ACTR10: variants seen among roughly 807,000 people sequenced by gnomAD.
ACTR10 encodes the protein actin related protein 10.
In ACTR10, 43 loss-of-function variants were observed where a neutral mutation model predicts 56.2. That is an observed-to-expected ratio of 0.77 (90% CI 0.60 to 0.99). The LOEUF (loss-of-function observed/expected upper bound fraction) is 0.99. Among genes scored for constraint, ACTR10 ranks in the 50% least tolerant of loss-of-function variants. The pLI is 0.00. For synonymous variants in ACTR10, 170 were observed against 176.3 expected, an observed-to-expected ratio of 0.96 and a Z score of 0.28; for missense variants, 466 against 507.8, an observed-to-expected ratio of 0.92 and a Z score of 0.79.
intron 10 of ACTR10, among the ~76,000 whole-genome samples, chr14:58,229,535 G>A (rs1024713520): frequency 3.9e-5 from 6 of 151,976 alleles, no homozygotes; most frequent in Admixed American, 6.6e-5. Flanking sequence ...AAAATTAGCC[G>A]GGCGCGGTGG....
At position 58,223,625 on chromosome 14, in the gene ACTR10, G is replaced by C. The variant is rs372667907; in HGVS notation, c.638G>C (p.Arg213Pro). The change falls in exon 9 of 13, where the codon CGT becomes CCT. Residue 213 changes from arginine (R) to proline (P), a missense_variant. Transcript: ENST00000254286. ...PEGVLEDIKA[R>P]TCFVSDLKRG... is the part of the protein sequence containing the mutation. Reference sequence around the variant, plus strand: ...GGTCTCCTTTTCTTCCTTAAAGCGCGTACTTGCTTTGTAAGTGATCTGAAG... The same window carrying C: ...GGTCTCCTTTTCTTCCTTAAAGCGCCTACTTGCTTTGTAAGTGATCTGAAG... 5.6e-6 allele frequency: 9 copies of C among 1,611,220 alleles called. No homozygotes were observed. The South Asian group carries it at 6.6e-5, about 12-fold the overall frequency.
At chr14:58,209,751 T>G (rs1243280200) in intron 4 of ACTR10, among the ~76,000 whole-genome samples, 1 of 152,224 alleles carries the variant, frequency 6.6e-6, no homozygotes, top group African/African-American at 2.4e-5. Context: ...ATCTTAATTA[T>G]TCAAATTTTT....
Position 58,234,818 on chromosome 14 carries a change from CTTTTTT to C in ACTR10, c.*283_*288del, listed in dbSNP as rs527714860. On this transcript the variant is annotated 3_prime_UTR_variant, in exon 13 of 13. Transcript: ENST00000254286. ...TTGATTTTGGAAGTTTGTTATGTGG[CTTTTTT>C]TTTTTTTTTTTTTTTGAGACGGAGT... 3.7e-4 allele frequency: 36 copies of C among 97,456 alleles called. No homozygotes were observed. Among genetic ancestry groups the C allele is most frequent in the Admixed American group, 9.4e-4 (8 of 8,472 alleles). 6.0% of individuals were successfully genotyped at this position (97,456 alleles called of 1,614,324 possible).
intron 2 of ACTR10, among the ~76,000 whole-genome samples, 191 bp downstream of exon 2, chr14:58,203,118 A>G (rs1481075532): frequency 3.3e-5 from 5 of 152,088 alleles, no homozygotes; most frequent in Non-Finnish European, 7.4e-5. Context: ...CCTGGACAAC[A>G]TGGTGAAACC....
intron 2 of ACTR10, among the ~76,000 whole-genome samples, chr14:58,204,383 C>T (rs1246012421): frequency 6.6e-6 from 1 of 151,720 alleles, no homozygotes; most frequent in Non-Finnish European, 1.5e-5. Flanking sequence ...GACTCCATCT[C>T]AAAAAAATAA....
intron 6 of ACTR10, 134 bp from the exon 7 acceptor site, chr14:58,215,071 A>T: frequency 3.8e-6 from 2 of 529,274 alleles, no homozygotes; most frequent in Middle Eastern, 5.1e-4. Context: ...GCGCCACTTC[A>T]CTCCAGCCTG....
intron 7 of ACTR10, among the ~76,000 whole-genome samples, chr14:58,216,656 T>G (rs904425317): frequency 1.3e-5 from 2 of 152,334 alleles, no homozygotes; most frequent in East Asian, 1.9e-4. Context: ...CACAGCCCTG[T>G]GCCTTCATTT....
chr14:58,231,836 A>G (rs1354347883), intron 11 of ACTR10, among the ~76,000 whole-genome samples: 1 of 152,180 alleles, frequency 6.6e-6, no homozygotes, highest in African/African-American at 2.4e-5. Context: ...CTATTTTAAA[A>G]TCTTTAAAGT....
intron 2 of ACTR10, among the ~76,000 whole-genome samples, chr14:58,204,357 C>G (rs1888803194): frequency 6.6e-6 from 1 of 151,620 alleles, no homozygotes; most frequent in South Asian, 2.1e-4. Context: ...GCACTCCAGC[C>G]TGGGCGACAG....
chr14:58,224,328 TA>T (rs950018807), intron 10 of ACTR10, among the ~76,000 whole-genome samples: 138 of 150,000 alleles, frequency 9.2e-4, no homozygotes, highest in African/African-American at 1.7e-3. Context: ...TTTTTAAAAA[TA>T]AAAAAAAAAT....
intron 11 of ACTR10, 30 bp downstream of exon 11, chr14:58,230,510 A>G (rs1555350836): frequency 1.7e-6 from 2 of 1,167,892 alleles, no homozygotes; most frequent in Non-Finnish European, 2.4e-6. Context: ...AATTCCCTTT[A>G]TTACCACAGT....
At chr14:58,228,681 CTTTTTTTTTTTTTTTTTTTTTTTTT>C (rs35498207) in intron 10 of ACTR10, among the ~76,000 whole-genome samples, 3 of 40,768 alleles carry the variant, frequency 7.4e-5, no homozygotes, top group East Asian at 9.7e-4. Flanking sequence ...GCAAGACAGA[CTTTTTTTTTTTTTTTTTTTTTTTTT>C]TTTTTTTTTT....
intron 6 of ACTR10, among the ~76,000 whole-genome samples, chr14:58,213,942 G>T (rs1366530502): frequency 6.6e-6 from 1 of 152,122 alleles, no homozygotes; most frequent in Non-Finnish European, 1.5e-5. Flanking sequence ...TTTGATACAG[G>T]CATGCAATGA....
chr14:58,215,757 C>T (rs1889118769), intron 7 of ACTR10, among the ~76,000 whole-genome samples: 1 of 152,070 alleles, frequency 6.6e-6, no homozygotes, highest in Admixed American at 6.6e-5. Flanking sequence ...TTCTTCTGAA[C>T]TTGATATTCA....
intron 5 of ACTR10, among the ~76,000 whole-genome samples, chr14:58,211,893 T>C (rs1889006335): frequency 6.6e-6 from 1 of 150,610 alleles, no homozygotes; most frequent in Non-Finnish European, 1.5e-5. Context: ...TGAGCCGAGA[T>C]CATGCCACTG....
At chr14:58,208,958 T>C in intron 3 of ACTR10, 41 bp from the exon 4 acceptor site, 1 of 1,358,538 alleles carries the variant, frequency 7.4e-7, no homozygotes, top group Non-Finnish European at 1.0e-6. Context: ...ACAAAATGAA[T>C]AAAAACTTTT....
At chr14:58,211,200 G>A in intron 4 of ACTR10, 92 bp from the exon 5 acceptor site, 1 of 916,082 alleles carries the variant, frequency 1.1e-6, no homozygotes, top group Non-Finnish European at 1.7e-6. Flanking sequence ...ATGTTCCTGT[G>A]AATTTTTTCA....
rs541664191 is a variant in ACTR10, at chr14:58,215,062, C to T, written c.519-143C>T. 174 of 504,182 alleles carry T rather than the reference C, an allele frequency of 3.5e-4. 1 individual carries two copies. The Middle Eastern group carries it at 3.7e-3, about 11-fold the overall frequency. The allele number at this position is 504,182 out of a possible 1,614,324, so 31.2% of individuals were successfully genotyped here. Reference sequence around the variant, plus strand: ...TGAATGTTGCAGTGAACTGGGATTGCGCCACTTCACTCCAGCCTGGGCAAC... The same window carrying T: ...TGAATGTTGCAGTGAACTGGGATTGTGCCACTTCACTCCAGCCTGGGCAAC... On this transcript the variant is annotated intron_variant, in intron 6 of 12. Coordinates refer to ENST00000254286, the MANE Select transcript of ACTR10 (RefSeq NM_018477.3).
chr14:58,205,355 C>T (rs1435041084), intron 2 of ACTR10, among the ~76,000 whole-genome samples: 16 of 145,644 alleles, frequency 1.1e-4, no homozygotes, highest in Middle Eastern at 7.9e-3. Flanking sequence ...TGCTCTGTCG[C>T]CCAGGCTGGA....
Sources: gnomAD v4.1 joint callset for allele counts (sites outside exome capture counted in the v4.1 genomes callset) on GRCh38, gnomAD v4.1.1 for gene constraint, MANE v1.5 for transcripts, NCBI Gene and HGNC (gene_info 2026-07-23, HGNC 2026-07-21) for gene names.